Variants in ZGRF1 observed in about 807,000 individuals in gnomAD.
ZGRF1 encodes the protein 5'-3' DNA helicase ZGRF1.
In ZGRF1, 196 loss-of-function variants were observed where a neutral mutation model predicts 203.5. That is an observed-to-expected ratio of 0.96 (90% CI 0.86 to 1.08). The LOEUF (loss-of-function observed/expected upper bound fraction) is 1.08, where lower values mean the gene tolerates loss of function less well. Among genes scored for constraint, ZGRF1 ranks in the 50% least tolerant of loss-of-function variants. ZGRF1 has a pLI of 0.00. For synonymous variants in ZGRF1, 809 were observed against 841.3 expected, an observed-to-expected ratio of 0.96 and a Z score of 0.66; for missense variants, 2,326 against 2,416.3, an observed-to-expected ratio of 0.96 and a Z score of 0.78.
At chr4:112,624,309 A>G (rs2047159237) in intron 3 of ZGRF1, among the ~76,000 whole-genome samples, 1 of 152,060 alleles carries the variant, frequency 6.6e-6, no homozygotes, top group African/African-American at 2.4e-5. Flanking sequence ...TGAGGTCTAG[A>G]CCAGCCTGGC....
At chr4:112,625,305 C>G (rs897861115) in intron 3 of ZGRF1, among the ~76,000 whole-genome samples, 8 of 151,146 alleles carry the variant, frequency 5.3e-5, no homozygotes, top group Non-Finnish European at 1.0e-4. Flanking sequence ...AAAAGAAAAT[C>G]GCCAGGCGCG....
At chr4:112,615,873 G>A (rs1057040624) in intron 6 of ZGRF1, among the ~76,000 whole-genome samples, 19 of 151,496 alleles carry the variant, frequency 1.3e-4, no homozygotes, top group African/African-American at 4.6e-4. Context: ...GACCTCAGGT[G>A]ATCCACCCGC....
intron 24 of ZGRF1, chr4:112,546,758 C>T (rs1343775729): frequency 6.6e-6 from 1 of 152,346 alleles, no homozygotes; most frequent in Non-Finnish European, 1.5e-5. Context: ...CTCTCACACT[C>T]TCTTGCTCTT....
intron 3 of ZGRF1, among the ~76,000 whole-genome samples, chr4:112,627,940 A>G (rs999648618): frequency 3.1e-4 from 47 of 152,150 alleles, no homozygotes; most frequent in African/African-American, 1.1e-3. Flanking sequence ...CACATTTCGT[A>G]TCATTTCATA....
intron 16 of ZGRF1, among the ~76,000 whole-genome samples, chr4:112,566,333 A>C (rs937232519): frequency 4.8e-5 from 5 of 105,066 alleles, no homozygotes; most frequent in Admixed American, 1.5e-4. Flanking sequence ...CACTCTGGGG[A>C]CTGTTGTGGG....
At chr4:112,566,259 G>A (rs913273635) in intron 16 of ZGRF1, among the ~76,000 whole-genome samples, 3 of 144,582 alleles carry the variant, frequency 2.1e-5, no homozygotes, top group East Asian at 4.2e-4. Flanking sequence ...CAAACACCAC[G>A]TATTCTCACT....
In ZGRF1 at chr4:112,563,230, T is replaced by C. The variant is rs751798246; in HGVS notation, c.4483A>G (p.Thr1495Ala). ...AAGAAAGCACTACATGCGATAAAAG[T>C]ATCCAGCTCAAAGTCTAGGGTTTTT... is the stretch of plus-strand genomic sequence containing the variant. ...VSKTLDFELD[T>A]FIACSAFFGP... Residue 1495 changes from threonine to alanine, a missense_variant, in exon 17 of 28, where the codon ACT (threonine) becomes GCT (alanine). Thr to Ala is a moderately conservative substitution (Grantham distance 58). Coordinates refer to ENST00000505019, the MANE Select transcript of ZGRF1 (RefSeq NM_018392.5). 5.8e-6 allele frequency: 9 copies of C among 1,551,302 alleles called. No individual in the cohort carries two copies. The highest frequency in any genetic ancestry group is 1.2e-5 in the South Asian group (1 of 84,022).
Position 112,618,261 on chromosome 4 carries a change from G to A in ZGRF1, c.1781C>T (p.Ser594Phe), listed in dbSNP as rs1424606720. ...TGTCACTGTAGGTTTGTCACTAACA[G>A]ATGTTAAGAATGGCAAATGTTCACC... ...IEGEHLPFLT[S>F]VSDKPTVTFP... Residue 594 changes from serine to phenylalanine, a missense_variant, in exon 6 of 28, where the codon TCT becomes TTT. Ser to Phe is a radical substitution (Grantham distance 155). Coordinates refer to ENST00000505019, the MANE Select transcript of ZGRF1 (RefSeq NM_018392.5). 1 of 1,613,790 alleles carries A rather than the reference G, an allele frequency of 6.2e-7. No homozygotes were observed. The highest frequency in any genetic ancestry group is 2.2e-5 in the East Asian group (1 of 44,836).
intron 20 of ZGRF1, among the ~76,000 whole-genome samples, chr4:112,556,411 G>A (rs1378521562): frequency 6.6e-6 from 1 of 151,690 alleles, no homozygotes; most frequent in East Asian, 1.9e-4. Flanking sequence ...TTTTTTTTGA[G>A]ACAGAGTCTC....
intron 9 of ZGRF1, among the ~76,000 whole-genome samples, 175 bp from the exon 10 acceptor site, chr4:112,603,872 T>C (rs1343982062): frequency 5.3e-5 from 8 of 152,138 alleles, no homozygotes; most frequent in Admixed American, 5.2e-4. Context: ...AAAACATACG[T>C]TATGGGTAAC....
At chr4:112,592,100 T>C (rs1748268651) in intron 10 of ZGRF1, among the ~76,000 whole-genome samples, 1 of 150,030 alleles carries the variant, frequency 6.7e-6, no homozygotes, top group East Asian at 2.0e-4. Flanking sequence ...TTCATTCTTT[T>C]TTTTTTTTTT....
chr4:112,547,115 T>C (rs1043852637), intron 24 of ZGRF1, among the ~76,000 whole-genome samples, 170 bp downstream of exon 24: 1 of 152,188 alleles, frequency 6.6e-6, no homozygotes, highest in Non-Finnish European at 1.5e-5. Flanking sequence ...GCACTTAAAT[T>C]ATAGGGTTCC....
Position 112,619,198 on chromosome 4 carries a change from GT to G in ZGRF1, c.843del (p.Lys281AsnfsTer7). 1 of 1,613,270 alleles carries G rather than the reference GT, an allele frequency of 6.2e-7. No homozygotes were observed. The highest frequency in any genetic ancestry group is 8.5e-7 in the Non-Finnish European group (1 of 1,179,946). On this transcript the variant is annotated frameshift_variant, in exon 6 of 28. Transcript: ENST00000505019. LOFTEE classifies it high-confidence loss of function. ...NSEMTEHFPQ[K>X]QPQGSLKIAT... ...GCAATTTTTAAACTTCCTTGTGGTT[GT>G]TTTTGAGGAAAATGCTCTGTCATCT...
Position 112,619,013 on chromosome 4 carries a change from T to C in ZGRF1, c.1029A>G (p.Val343=). Residue 343 remains valine (V), a synonymous_variant, in exon 6 of 28, where the codon GTA becomes GTG. Coordinates refer to ENST00000505019, the MANE Select transcript of ZGRF1 (RefSeq NM_018392.5). ...GTTTCCTTTCTGTATCATTCCCATC[T>C]ACAGTAGAAGAATGTATAGGTGAAC... ...SQSSPIHSST[V]DGNDTERKPK... 6.2e-7 allele frequency: 1 copy of C among 1,613,944 alleles called. No individual in the cohort carries two copies. Among genetic ancestry groups the C allele is most frequent in the Non-Finnish European group, 8.5e-7 (1 of 1,179,894 alleles).
At chr4:112,628,996 AC>A in intron 3 of ZGRF1, 1 of 322,006 alleles carries the variant, frequency 3.1e-6, no homozygotes, top group African/African-American at 2.2e-5. Context: ...TAATCACATG[AC>A]TTGAACATAG....
chr4:112,561,171 G>GT, intron 18 of ZGRF1, 176 bp from the exon 19 acceptor site: 1 of 588,144 alleles, frequency 1.7e-6, no homozygotes, highest in South Asian at 2.1e-5. Context: ...TATCGAGGAG[G>GT]GTAGAAGAGA....
intron 22 of ZGRF1, among the ~76,000 whole-genome samples, chr4:112,551,908 C>G (rs1740037933): frequency 6.6e-6 from 1 of 152,084 alleles, no homozygotes; most frequent in South Asian, 2.1e-4. Flanking sequence ...GATTTTGTTA[C>G]TGACCTAGCA....
chr4:112,626,704 A>AATCT (rs773020917), intron 3 of ZGRF1, among the ~76,000 whole-genome samples: 4 of 152,230 alleles, frequency 2.6e-5, no homozygotes, highest in Non-Finnish European at 5.9e-5. Flanking sequence ...AAGGACTTCC[A>AATCT]ATCTATACTA....
chr4:112,574,787 A>T (rs62316609), intron 16 of ZGRF1, among the ~76,000 whole-genome samples: 23,947 of 152,126 alleles, frequency 0.16, 2,174 homozygotes, highest in East Asian at 0.42. Flanking sequence ...ATCCCATGGG[A>T]GGCCAAGGTG....
Sources: gnomAD v4.1 joint callset for allele counts (sites outside exome capture counted in the v4.1 genomes callset) on GRCh38, gnomAD v4.1.1 for gene constraint, MANE v1.5 for transcripts, NCBI Gene and HGNC (gene_info 2026-07-23, HGNC 2026-07-21) for gene names.